The following AKAP1 variants were observed in gnomAD, a reference collection of about 807,000 sequenced individuals.
AKAP1 encodes A-kinase anchor protein 1, mitochondrial.
AKAP1 carries 32 observed loss-of-function variants against 79.8 expected under a neutral mutation model. The ratio of observed to expected loss-of-function variants is 0.40; its 90% CI spans 0.30 to 0.54. The LOEUF (loss-of-function observed/expected upper bound fraction) is 0.54. Ranked by LOEUF, AKAP1 falls within the 20% of genes least tolerant of loss-of-function variation. The probability of loss-of-function intolerance (pLI) is 0.47; values close to 1 mark genes in which losing one functional copy is unlikely to be tolerated. For missense variants in AKAP1, 961 were observed against 1,138.9 expected, an observed-to-expected ratio of 0.84 and a Z score of 2.25; for synonymous variants, 416 against 466.7, an observed-to-expected ratio of 0.89 and a Z score of 1.40.
chr17:57,110,244 G>T lies in AKAP1; in HGVS notation c.1848+86G>T, dbSNP rs1193579166. On this transcript the variant is annotated intron_variant, in intron 3 of 10. Transcript: ENST00000337714. The stretch of plus-strand genomic sequence containing the variant: ...CCATTAGACCTCAGGGAGGGAGGGG[G>T]CTGGGAGAGGGACAGTAAACCAGAA... 9 of 1,540,710 alleles carry T rather than the reference G, an allele frequency of 5.8e-6. No homozygotes were observed. In the Admixed American group the frequency reaches 1.1e-4, roughly 19 times the overall value.
chr17:57,099,450 G>C (rs1018849420), intron 1 of AKAP1, among the ~76,000 whole-genome samples: 1 of 152,198 alleles, frequency 6.6e-6, no homozygotes. Flanking sequence ...CAGAGTGCGG[G>C]GTGAAGGCTG....
chr17:57,106,713 G>C lies in AKAP1; in HGVS notation c.1249G>C (p.Ala417Pro). 6.2e-7 allele frequency: 1 copy of C among 1,613,944 alleles called. No individual in the cohort carries two copies. Among genetic ancestry groups the C allele is most frequent in the Non-Finnish European group, 8.5e-7 (1 of 1,180,018 alleles). ...TAEAAVAPPD[A>P]GLPLPGLPAE... Reference sequence around the variant, plus strand: ...AGAGGCAGCTGTTGCCCCGCCGGATGCTGGCCTCCCCTTGCCAGGCCTACC... The same window carrying C: ...AGAGGCAGCTGTTGCCCCGCCGGATCCTGGCCTCCCCTTGCCAGGCCTACC... Residue 417 changes from alanine to proline, a missense_variant, in exon 2 of 11, where the codon GCT becomes CCT. Physicochemically the swap from Ala to Pro is conservative, Grantham distance 27. This residue lies in a region of AKAP1 where 629 missense variants were observed against 781.1 expected (regional missense o/e 0.81). Transcript: ENST00000337714.
At chr17:57,108,643 G>A (rs573461577) in intron 2 of AKAP1, among the ~76,000 whole-genome samples, 1 of 152,346 alleles carries the variant, frequency 6.6e-6, no homozygotes, top group South Asian at 2.1e-4. Context: ...CGAGCATGCG[G>A]TGGGTGCCAA....
intron 1 of AKAP1, 98 bp from the exon 2 acceptor site, chr17:57,105,343 C>G: frequency 8.2e-7 from 1 of 1,215,610 alleles, no homozygotes; most frequent in Non-Finnish European, 1.2e-6. Context: ...GGAGATGGCT[C>G]CAGCTCTACC....
In AKAP1 at chr17:57,095,415, C is replaced by T. The variant is rs913725016; in HGVS notation, c.-25+10017C>T. 7 of 151,450 alleles carry T rather than the reference C, an allele frequency of 4.6e-5. No homozygotes were observed. In the East Asian group the frequency reaches 1.2e-3, roughly 25 times the overall value. 9.4% of individuals were successfully genotyped at this position (151,450 alleles called of 1,614,324 possible). ...AGCTCCTGGCCTCAAGCAATCCTCC[C>T]GAAGTGTTGGGGATTGTAGGCGTGA... On this transcript the variant is annotated intron_variant, in intron 1 of 10. Transcript: ENST00000337714.
At chr17:57,112,467 GT>G in intron 4 of AKAP1, 23 bp from the exon 5 acceptor site, 3 of 1,609,686 alleles carry the variant, frequency 1.9e-6, no homozygotes, top group African/African-American at 1.3e-5. Flanking sequence ...GTGATTGTAT[GT>G]CCTGCCCCCA....
chr17:57,087,583 A>G (rs934982071), intron 1 of AKAP1, among the ~76,000 whole-genome samples: 2 of 152,198 alleles, frequency 1.3e-5, no homozygotes, highest in Non-Finnish European at 2.9e-5. Context: ...AATGGAGATC[A>G]TATTTGTGAT....
intron 1 of AKAP1, among the ~76,000 whole-genome samples, chr17:57,100,702 G>A (rs1274733521): frequency 1.3e-5 from 2 of 152,210 alleles, no homozygotes; most frequent in Non-Finnish European, 2.9e-5. Flanking sequence ...GCTGGCATGT[G>A]CCCTGTTAGG....
intron 5 of AKAP1, among the ~76,000 whole-genome samples, chr17:57,113,574 C>G (rs1475102771): frequency 6.9e-6 from 1 of 145,322 alleles, no homozygotes; most frequent in African/African-American, 2.6e-5. Context: ...TCCCAGGAGG[C>G]TCGGTCGTAG....
At position 57,086,381 on chromosome 17, in the gene AKAP1, A is replaced by G. The variant is rs1048293213; in HGVS notation, c.-25+983A>G. ...TCCTGTTTCCCTTCCAGGGAGGGAT[A>G]GGAGAAGAAAGGTGCTGATCGTGGT... is the stretch of plus-strand genomic sequence containing the variant. On this transcript the variant is annotated intron_variant, in intron 1 of 10. Transcript: ENST00000337714. The surrounding 1 kb of genome is among the most constrained non-coding windows in gnomAD (Gnocchi z 5.1). The G allele has an allele frequency of 2.2e-6, 1 of 454,488 alleles. No homozygotes were observed. Among genetic ancestry groups the G allele is most frequent in the Non-Finnish European group, 4.4e-6 (1 of 226,048 alleles). 28.2% of individuals were successfully genotyped at this position (454,488 alleles called of 1,614,324 possible).
At chr17:57,105,274 A>C (rs1914772481) in intron 1 of AKAP1, among the ~76,000 whole-genome samples, 167 bp from the exon 2 acceptor site, 1 of 152,166 alleles carries the variant, frequency 6.6e-6, no homozygotes, top group African/African-American at 2.4e-5. Context: ...TGGATCACAC[A>C]GAGGGTGGAC....
rs1454858110 is a variant in AKAP1 at position 57,106,626 on chromosome 17, A to G, written c.1162A>G (p.Ser388Gly). ...TCAGCTCCAAGGGCAGAAGGAAGAG[A>G]GCTGTGTCCCAGTTCACCAGAAAAC... ...ASQLQGQKEE[S>G]CVPVHQKTVL... is the part of the protein sequence containing the mutation. Residue 388 changes from serine (S) to glycine (G), a missense_variant, in exon 2 of 11, where the codon AGC becomes GGC. Physicochemically the swap from Ser to Gly is moderately conservative, Grantham distance 56 (BLOSUM62 0). Around this residue, in one of 3 missense-constraint regions of AKAP1, gnomAD observed 629 missense variants for 781.1 expected, o/e 0.81. Coordinates refer to ENST00000337714, the MANE Select transcript of AKAP1 (RefSeq NM_003488.4). 2 of 1,614,102 alleles carry G rather than the reference A, an allele frequency of 1.2e-6. No homozygotes were observed. Among genetic ancestry groups the G allele is most frequent in the Admixed American group, 1.7e-5 (1 of 60,018 alleles).
intron 9 of AKAP1, 55 bp downstream of exon 9, chr17:57,118,509 C>T: frequency 6.5e-7 from 1 of 1,543,740 alleles, no homozygotes; most frequent in Non-Finnish European, 9.0e-7. Flanking sequence ...TGGGAACTGA[C>T]CTTTCAATGC....
Position 57,120,615 on chromosome 17 carries a change from T to C in AKAP1, c.*291T>C, listed in dbSNP as rs1470581142. On this transcript the variant is annotated 3_prime_UTR_variant, in exon 11 of 11. Coordinates refer to ENST00000337714, the MANE Select transcript of AKAP1 (RefSeq NM_003488.4). Reference sequence around the variant, plus strand: ...AATAGAAACAGTTTCAACCAGATTGTCCTATTCCCCCTGTTCCATTCCCCT... The same window carrying C: ...AATAGAAACAGTTTCAACCAGATTGCCCTATTCCCCCTGTTCCATTCCCCT... The C allele has an allele frequency of 3.4e-6, 1 of 293,510 alleles. No individual in the cohort carries two copies. Among genetic ancestry groups the C allele is most frequent in the African/African-American group, 2.2e-5 (1 of 45,856 alleles). The allele number at this position is 293,510 out of a possible 1,614,324, so 18.2% of individuals were successfully genotyped here.
Position 57,114,579 on chromosome 17 carries a change from C to T in AKAP1, c.2224C>T (p.Gln742Ter). Residue 742 changes from glutamine (Q) to a stop codon, truncating the protein, a stop_gained, in exon 6 of 11, where the codon CAG (glutamine) becomes TAG (stop). Coordinates refer to ENST00000337714, the MANE Select transcript of AKAP1 (RefSeq NM_003488.4). LOFTEE classifies it high-confidence loss of function. ...TFHALRSLDQ[Q>*]MYLCYSQPGI... ...CCACGCGCTGCGCAGCCTCGACCAGCAGATGTACCTCTGTTACTCTCAGCC... is the reference window on the plus strand; with the variant it reads ...CCACGCGCTGCGCAGCCTCGACCAGTAGATGTACCTCTGTTACTCTCAGCC... 6.2e-7 allele frequency: 1 copy of T among 1,614,222 alleles called. No individual in the cohort carries two copies. Among genetic ancestry groups the T allele is most frequent in the Non-Finnish European group, 8.5e-7 (1 of 1,180,050 alleles).
rs1270643394 is a variant in AKAP1, at chr17:57,106,558, C to T, written c.1094C>T (p.Ala365Val). ...TCAGAAGCAACCGAACAGGTGCTGG[C>T]CACCACGGTTGGCAAGGTTGCAGGT... ...VISEATEQVLATTVGKVAGRV... is the reference protein window; with the variant it reads ...VISEATEQVLVTTVGKVAGRV... The change falls in exon 2 of 11, where the codon GCC becomes GTC. Residue 365 changes from alanine to valine, a missense_variant. Ala to Val is a moderately conservative substitution (Grantham distance 64). This residue lies in a region of AKAP1 where 629 missense variants were observed against 781.1 expected (regional missense o/e 0.81). Transcript: ENST00000337714. 1.2e-6 allele frequency: 2 copies of T among 1,614,076 alleles called. No individual in the cohort carries two copies. Among genetic ancestry groups the T allele is most frequent in the East Asian group, 2.2e-5 (1 of 44,904 alleles).
At chr17:57,111,978 T>C in intron 4 of AKAP1, 54 bp downstream of exon 4, 1 of 1,582,228 alleles carries the variant, frequency 6.3e-7, no homozygotes, top group South Asian at 1.1e-5. Flanking sequence ...TAAATAGAAG[T>C]GAATAGCATC....
chr17:57,106,104 G>A lies in AKAP1; in HGVS notation c.640G>A (p.Val214Met). Residue 214 changes from valine (V) to methionine (M), a missense_variant, in exon 2 of 11, where the codon GTG (valine) becomes ATG (methionine). By Grantham distance (21) the Val-to-Met change is conservative. Transcript: ENST00000337714. ...TGGTGATGCCGTGTTGGGGGAAAAG[G>A]TGCTTGAAGAAGCTCTGTTGTCTCG... The part of the protein sequence containing the change: ...GTGDAVLGEK[V>M]LEEALLSREH... 1.2e-6 allele frequency: 2 copies of A among 1,605,988 alleles called. No individual in the cohort carries two copies. Among genetic ancestry groups the A allele is most frequent in the Non-Finnish European group, 1.7e-6 (2 of 1,175,090 alleles).
chr17:57,114,091 C>T (rs1294630439), intron 5 of AKAP1, among the ~76,000 whole-genome samples: 1 of 152,180 alleles, frequency 6.6e-6, no homozygotes, highest in Non-Finnish European at 1.5e-5. Context: ...CTTATAGATT[C>T]ATCAACAGAA....
Sources: gnomAD v4.1 joint callset for allele counts (sites outside exome capture counted in the v4.1 genomes callset) on GRCh38, gnomAD v4.1.1 for gene constraint, gnomAD v4.1.1 regional missense constraint, Gnocchi (gnomAD v3.1) non-coding constraint, MANE v1.5 for transcripts, NCBI Gene and HGNC (gene_info 2026-07-23, HGNC 2026-07-21) for gene names.